ADAMTS3: variants seen among roughly 807,000 people sequenced by gnomAD.
ADAMTS3 encodes the protein A disintegrin and metalloproteinase with thrombospondin motifs 3.
In ADAMTS3, 73 loss-of-function variants were observed where a neutral mutation model predicts 129.0. The ratio of observed to expected loss-of-function variants is 0.57; its 90% CI spans 0.47 to 0.69. ADAMTS3 has a LOEUF of 0.69. Among genes scored for constraint, ADAMTS3 ranks in the 30% least tolerant of loss-of-function variants. ADAMTS3 has a pLI of 0.00. For missense variants in ADAMTS3, 1,457 were observed against 1,514.5 expected (o/e 0.96, Z 0.63); for synonymous variants, 477 against 510.8 (o/e 0.93, Z 0.89).
intron 4 of ADAMTS3, among the ~76,000 whole-genome samples, chr4:72,344,504 C>A (rs906076871): frequency 6.6e-6 from 1 of 152,128 alleles, no homozygotes; most frequent in African/African-American, 2.4e-5. Flanking sequence ...CCCTAAGGAG[C>A]AGAATGTTAA....
At chr4:72,468,864 C>T (rs1421895660) in intron 3 of ADAMTS3, among the ~76,000 whole-genome samples, 1 of 151,934 alleles carries the variant, frequency 6.6e-6, no homozygotes, top group African/African-American at 2.4e-5. Flanking sequence ...AGTCACACAT[C>T]TAAGTTTAAC....
intron 3 of ADAMTS3, among the ~76,000 whole-genome samples, chr4:72,424,834 C>T (rs1313033332): frequency 6.6e-6 from 1 of 152,110 alleles, no homozygotes; most frequent in Non-Finnish European, 1.5e-5. Context: ...CTGTATCCTA[C>T]TTGTAGGACA....
intron 4 of ADAMTS3, among the ~76,000 whole-genome samples, chr4:72,347,064 A>T (rs79953119): frequency 2.0e-5 from 3 of 152,072 alleles, no homozygotes; most frequent in African/African-American, 7.2e-5. Flanking sequence ...TGGAAACTGG[A>T]GGAATATAAC....
At chr4:72,543,085 G>A (rs1485608830) in intron 3 of ADAMTS3, among the ~76,000 whole-genome samples, 2 of 152,068 alleles carry the variant, frequency 1.3e-5, no homozygotes, top group African/African-American at 2.4e-5. Context: ...AATGTTCATG[G>A]AATATGTGTA....
chr4:72,533,245 A>G (rs1393468213), intron 3 of ADAMTS3, among the ~76,000 whole-genome samples: 1 of 152,184 alleles, frequency 6.6e-6, no homozygotes. Context: ...TTAAAAATGA[A>G]GACACGAACA....
At chr4:72,496,966 C>T (rs548200618) in intron 3 of ADAMTS3, among the ~76,000 whole-genome samples, 23 of 152,030 alleles carry the variant, frequency 1.5e-4, no homozygotes, top group Non-Finnish European at 2.2e-4. Flanking sequence ...TCTCTCTCAC[C>T]CACTTTGCAC....
intron 3 of ADAMTS3, among the ~76,000 whole-genome samples, chr4:72,447,355 C>T (rs999559602): frequency 1.1e-4 from 17 of 151,728 alleles, no homozygotes; most frequent in African/African-American, 3.6e-4. Context: ...ATCTTACCTT[C>T]TAATTTCCAT....
intron 3 of ADAMTS3, among the ~76,000 whole-genome samples, chr4:72,513,547 C>T (rs1257349028): frequency 6.6e-6 from 1 of 152,154 alleles, no homozygotes; most frequent in African/African-American, 2.4e-5. Flanking sequence ...TTTATTGACA[C>T]TCCAAAGCTC....
intron 3 of ADAMTS3, among the ~76,000 whole-genome samples, chr4:72,539,503 A>AC (rs1721267049): frequency 6.6e-6 from 1 of 151,570 alleles, no homozygotes. Flanking sequence ...AAAAAAAAAA[A>AC]AAAAAAAAAA....
chr4:72,343,693 A>T (rs1443406236), intron 4 of ADAMTS3, among the ~76,000 whole-genome samples: 1 of 152,148 alleles, frequency 6.6e-6, no homozygotes, highest in Non-Finnish European at 1.5e-5. Context: ...GAATTAGCAG[A>T]AAAAAAGGAA....
intron 15 of ADAMTS3, 149 bp downstream of exon 15, chr4:72,309,248 G>C (rs80005592): frequency 1.6e-6 from 1 of 641,584 alleles, no homozygotes; most frequent in Non-Finnish European, 2.4e-6. Flanking sequence ...TTTTTTTTAA[G>C]TTCCTTAAAA....
intron 3 of ADAMTS3, among the ~76,000 whole-genome samples, chr4:72,427,571 A>C (rs1283554730): frequency 6.6e-6 from 1 of 152,106 alleles, no homozygotes; most frequent in Non-Finnish European, 1.5e-5. Flanking sequence ...GAATAGAGAA[A>C]GAGATGAGTA....
chr4:72,320,893 A>G, intron 6 of ADAMTS3, 23 bp from the exon 7 acceptor site: 1 of 1,599,650 alleles, frequency 6.3e-7, no homozygotes, highest in African/African-American at 1.3e-5. Flanking sequence ...AATATGTTAA[A>G]GACACACCTG....
chr4:72,320,050 A>G (rs929354800), intron 7 of ADAMTS3, 87 bp from the exon 8 acceptor site: 3 of 1,053,984 alleles, frequency 2.8e-6, no homozygotes, highest in East Asian at 2.5e-5. Context: ...GGGGGAAAAA[A>G]GTAAAAGCCT....
chr4:72,363,210 T>C (rs1720772750), intron 4 of ADAMTS3, among the ~76,000 whole-genome samples: 1 of 152,104 alleles, frequency 6.6e-6, no homozygotes, highest in African/African-American at 2.4e-5. Flanking sequence ...CAAAAACATA[T>C]ATACCGCTGA....
intron 3 of ADAMTS3, among the ~76,000 whole-genome samples, chr4:72,475,219 T>C (rs1464959573): frequency 2.6e-5 from 4 of 151,844 alleles, no homozygotes; most frequent in Admixed American, 6.6e-5. Flanking sequence ...AAGACAGAGA[T>C]TGACAGATGA....
chr4:72,492,155 CTT>C (rs1719764797), intron 3 of ADAMTS3, among the ~76,000 whole-genome samples: 1 of 151,552 alleles, frequency 6.6e-6, no homozygotes, highest in African/African-American at 2.4e-5. Flanking sequence ...TCTTCTTTCT[CTT>C]TTTCTTAGAC....
At chr4:72,316,822 A>G (rs1578576185) in intron 10 of ADAMTS3, among the ~76,000 whole-genome samples, 1 of 152,152 alleles carries the variant, frequency 6.6e-6, no homozygotes. Flanking sequence ...ACATTCATAT[A>G]GTTTATGAAA....
At chr4:72,444,128 G>C (rs555996538) in intron 3 of ADAMTS3, among the ~76,000 whole-genome samples, 1 of 151,832 alleles carries the variant, frequency 6.6e-6, no homozygotes, top group African/African-American at 2.4e-5. Flanking sequence ...CACAAATGCA[G>C]CCAGTGCTTC....
Sources: gnomAD v4.1 joint callset for allele counts (sites outside exome capture counted in the v4.1 genomes callset) on GRCh38, gnomAD v4.1.1 for gene constraint, MANE v1.5 for transcripts, NCBI Gene and HGNC (gene_info 2026-07-23, HGNC 2026-07-21) for gene names.